CNTLN: variants seen among roughly 807,000 people sequenced by gnomAD.
CNTLN encodes centlein.
CNTLN carries 212 observed loss-of-function variants against 180.0 expected under a neutral mutation model. The ratio of observed to expected loss-of-function variants is 1.18; its 90% CI spans 1.05 to 1.32. The LOEUF (loss-of-function observed/expected upper bound fraction) is 1.32. Ranked by LOEUF, CNTLN falls within the 40% of genes most tolerant of loss-of-function variation. The pLI, the probability that CNTLN is intolerant of heterozygous loss-of-function variation, is 0.00. For missense variants in CNTLN, 2,095 were observed against 1,610.9 expected (o/e 1.30, Z -5.14); for synonymous variants, 722 against 563.1 (o/e 1.28, Z -3.99).
At chr9:17,422,717 C>T (rs1020817358) in intron 18 of CNTLN, among the ~76,000 whole-genome samples, 1 of 152,122 alleles carries the variant, frequency 6.6e-6, no homozygotes, top group East Asian at 1.9e-4. Context: ...TTACTGGTGC[C>T]TTATTTAGTT....
intron 2 of CNTLN, among the ~76,000 whole-genome samples, chr9:17,217,125 A>G (rs1005297928): frequency 2.5e-4 from 38 of 152,346 alleles, no homozygotes; most frequent in South Asian, 1.2e-3. Flanking sequence ...GCTTAACCAA[A>G]TAGTCTTTTA....
chr9:17,154,625 G>A (rs924435634), intron 2 of CNTLN, among the ~76,000 whole-genome samples: 1 of 152,208 alleles, frequency 6.6e-6, no homozygotes, highest in African/African-American at 2.4e-5. Flanking sequence ...CTTCTGGGTT[G>A]GGTGGGGACT....
At chr9:17,455,968 G>C (rs887896344) in intron 18 of CNTLN, among the ~76,000 whole-genome samples, 1 of 152,112 alleles carries the variant, frequency 6.6e-6, no homozygotes, top group Non-Finnish European at 1.5e-5. Flanking sequence ...GGGAATAACT[G>C]GTCAGTGTAG....
chr9:17,477,618 G>A (rs182638449), intron 23 of CNTLN, among the ~76,000 whole-genome samples: 2 of 152,306 alleles, frequency 1.3e-5, no homozygotes, highest in Non-Finnish European at 1.5e-5. Flanking sequence ...TGCAGATGTG[G>A]TAGAAATAGC....
intron 2 of CNTLN, among the ~76,000 whole-genome samples, chr9:17,148,673 G>C (rs1214963914): frequency 6.6e-6 from 1 of 152,130 alleles, no homozygotes; most frequent in Non-Finnish European, 1.5e-5. Flanking sequence ...ACCGTGAAAA[G>C]GAAACTTGTG....
At chr9:17,491,667 G>A (rs1833169900) in intron 25 of CNTLN, among the ~76,000 whole-genome samples, 1 of 152,032 alleles carries the variant, frequency 6.6e-6, no homozygotes, top group African/African-American at 2.4e-5. Flanking sequence ...AAAAAATTCT[G>A]TCTGTTTGCC....
chr9:17,222,556 C>T (rs568268825), intron 2 of CNTLN, among the ~76,000 whole-genome samples: 8 of 151,984 alleles, frequency 5.3e-5, no homozygotes, highest in East Asian at 3.9e-4. Context: ...TTTCTCTTGC[C>T]GCTGCCATGT....
At chr9:17,350,812 C>G (rs1294428650) in intron 12 of CNTLN, among the ~76,000 whole-genome samples, 2 of 152,120 alleles carry the variant, frequency 1.3e-5, no homozygotes, top group Non-Finnish European at 2.9e-5. Flanking sequence ...AAGTCCCCAT[C>G]TCCGACTATC....
chr9:17,150,147 T>A (rs972193092), intron 2 of CNTLN, among the ~76,000 whole-genome samples: 1 of 152,248 alleles, frequency 6.6e-6, no homozygotes, highest in Non-Finnish European at 1.5e-5. Context: ...AGAAGCTCTT[T>A]AGTTTAATTA....
chr9:17,312,339 GTATTTATATATATATATATATATATTATA>G (rs143093413), intron 8 of CNTLN, among the ~76,000 whole-genome samples: 79,753 of 122,796 alleles, frequency 0.65, 24,296 homozygotes, highest in East Asian at 0.75. Context: ...TAAGATTACT[GTATTTATATATATATATATATATATTATA>G]TATATATATA....
chr9:17,267,597 T>C (rs1451981479), intron 5 of CNTLN, among the ~76,000 whole-genome samples: 4 of 151,944 alleles, frequency 2.6e-5, no homozygotes, highest in Non-Finnish European at 5.9e-5. Flanking sequence ...ACTTGCTAGA[T>C]TGGGGAAGTT....
Position 17,309,205 on chromosome 9 carries a change from G to C in CNTLN, c.1294G>C (p.Ala432Pro). 1 of 1,606,610 alleles carries C rather than the reference G, an allele frequency of 6.2e-7. No homozygotes were observed. The highest frequency in any genetic ancestry group is 8.5e-7 in the Non-Finnish European group (1 of 1,175,938). Residue 432 changes from alanine to proline, a missense_variant, in exon 8 of 26, where the codon GCA (alanine) becomes CCA (proline). Ala to Pro is a conservative substitution (Grantham distance 27). Coordinates refer to ENST00000380647, the MANE Select transcript of CNTLN (RefSeq NM_017738.4). ...LKEKLQESQG[A>P]PLPLPQESDP... The stretch of plus-strand genomic sequence containing the variant: ...AGAAAAACTTCAGGAATCACAGGGA[G>C]CACCTCTTCCTTTACCTCAAGAAAG...
intron 2 of CNTLN, among the ~76,000 whole-genome samples, chr9:17,221,511 C>T (rs888432471): frequency 6.6e-6 from 1 of 151,982 alleles, no homozygotes; most frequent in Admixed American, 6.6e-5. Context: ...AGATAAAGTG[C>T]AAATGGTAAA....
At chr9:17,154,208 G>T (rs1365200056) in intron 2 of CNTLN, among the ~76,000 whole-genome samples, 2 of 152,206 alleles carry the variant, frequency 1.3e-5, no homozygotes, top group Admixed American at 6.5e-5. Flanking sequence ...CTGGCGAGGA[G>T]TTGTCATCCT....
chr9:17,510,316 T>A, the CNTLN span, among the ~76,000 whole-genome samples: 1 of 152,230 alleles, frequency 6.6e-6, no homozygotes, highest in Non-Finnish European at 1.5e-5. Flanking sequence ...ACCAATTACA[T>A]AAATGAGAAA....
In CNTLN at chr9:17,178,003, T is replaced by C. The variant is rs142670809; in HGVS notation, c.449+34627T>C. 8.0e-3 allele frequency among the ~76,000 whole-genome samples: 1,197 copies of C among 148,992 alleles called. 1 individual carries two copies. Among genetic ancestry groups the C allele is most frequent in the African/African-American group, 0.022 (862 of 39,246 alleles). On this transcript the variant is annotated intron_variant, in intron 2 of 25. Transcript: ENST00000380647. Reference sequence around the variant, plus strand: ...ACACAAAAGTTCTCCACATCCCCACTAGATTAGCTAGATATAGAGTGTTGA... The same window carrying C: ...ACACAAAAGTTCTCCACATCCCCACCAGATTAGCTAGATATAGAGTGTTGA...
At chr9:17,284,331 G>A (rs972889640) in intron 6 of CNTLN, among the ~76,000 whole-genome samples, 1 of 152,190 alleles carries the variant, frequency 6.6e-6, no homozygotes, top group East Asian at 1.9e-4. Context: ...AGTTTCGGAA[G>A]GAATGGTACT....
rs1259640199 is a variant in CNTLN, at chr9:17,135,276, G to A, written c.211G>A (p.Gly71Arg). The change falls in exon 1 of 26, where the codon GGG becomes AGG. Residue 71 changes from glycine to arginine, a missense_variant. Gly to Arg is a moderately radical substitution (Grantham distance 125). Coordinates refer to ENST00000380647, the MANE Select transcript of CNTLN (RefSeq NM_017738.4). ...EGSGGRRGPG[G>R]AAPAHAPLLS... is the part of the protein sequence containing the mutation. The stretch of plus-strand genomic sequence containing the variant: ...GTCAGGGGGCCGGCGAGGGCCTGGG[G>A]GGGCAGCTCCGGCTCATGCTCCCCT... 6.2e-7 allele frequency: 1 copy of A among 1,602,206 alleles called. No homozygotes were observed. The highest frequency in any genetic ancestry group is 8.5e-7 in the Non-Finnish European group (1 of 1,175,072).
intron 6 of CNTLN, among the ~76,000 whole-genome samples, chr9:17,292,460 T>G (rs1829478961): frequency 6.6e-6 from 1 of 152,316 alleles, no homozygotes; most frequent in East Asian, 1.9e-4. Flanking sequence ...AGGTTCGGTC[T>G]TTTTACATAA....
Sources: allele counts gnomAD v4.1 joint callset (sites outside exome capture counted in the v4.1 genomes callset), GRCh38; gene constraint gnomAD v4.1.1; transcripts MANE v1.5; gene names NCBI Gene and HGNC (gene_info 2026-07-23, HGNC 2026-07-21).